The following DPP4 variants were observed in gnomAD, a reference collection of about 807,000 sequenced individuals.
DPP4 encodes the protein dipeptidyl peptidase 4, also known as ADCP-2.
Under a neutral mutation model 122.4 loss-of-function variants are expected in DPP4, and 93 were observed. The ratio of observed to expected loss-of-function variants is 0.76; its 90% confidence interval spans 0.64 to 0.90. The LOEUF (loss-of-function observed/expected upper bound fraction) is 0.90, where lower values mean the gene tolerates loss of function less well. DPP4 is among the 40% of genes least tolerant of loss of function. The pLI is 0.00. For synonymous variants in DPP4, 321 were observed against 302.9 expected (o/e 1.06, Z -0.62); for missense variants, 914 against 907.3 (o/e 1.01, Z -0.09).
At chr2:162,051,977 A>T (rs2106141359) in intron 2 of DPP4, among the ~76,000 whole-genome samples, 1 of 152,244 alleles carries the variant, frequency 6.6e-6, no homozygotes, top group South Asian at 2.1e-4. Context: ...ACATTGTGGT[A>T]GTGTTAAGAG....
chr2:162,073,289 C>T, intron 2 of DPP4, 110 bp downstream of exon 2: 3 of 1,047,194 alleles, frequency 2.9e-6, no homozygotes, highest in Middle Eastern at 2.9e-4. Context: ...AGCTACACTT[C>T]GGGGCACTGG....
chr2:162,050,543 C>T (rs549814679), intron 2 of DPP4, among the ~76,000 whole-genome samples: 1 of 152,308 alleles, frequency 6.6e-6, no homozygotes, highest in South Asian at 2.1e-4. Context: ...CCCTGCAAGG[C>T]CCAGGCTTAC....
At position 162,046,962 on chromosome 2, in the gene DPP4, T is replaced by G. The variant is rs772544402; in HGVS notation, c.238A>C (p.Asn80His). ...ACTGAGCTGTTTCCATATTCAGCAT[T>G]GAATACCAAGATATTATTTTCTTGT... ...YKQENNILVFNAEYGNSSVFL... is the reference protein window; with the variant it reads ...YKQENNILVFHAEYGNSSVFL... Residue 80 changes from asparagine to histidine, a missense_variant, in exon 4 of 26, where the codon AAT (asparagine) becomes CAT (histidine). Physicochemically the swap from Asn to His is moderately conservative, Grantham distance 68. Transcript: ENST00000360534. 9 of 1,598,478 alleles carry G rather than the reference T, an allele frequency of 5.6e-6. No individual in the cohort carries two copies. Among genetic ancestry groups the G allele is most frequent in the African/African-American group, 1.3e-5 (1 of 74,552 alleles).
At chr2:162,069,773 TG>T (rs1307461746) in intron 2 of DPP4, among the ~76,000 whole-genome samples, 1 of 152,198 alleles carries the variant, frequency 6.6e-6, no homozygotes, top group African/African-American at 2.4e-5. Flanking sequence ...ACCTCATAGA[TG>T]CTATCTTTTC....
At chr2:162,053,369 C>G (rs186129938) in intron 2 of DPP4, among the ~76,000 whole-genome samples, 1 of 151,938 alleles carries the variant, frequency 6.6e-6, no homozygotes, top group Middle Eastern at 3.4e-3. Context: ...CCCTGGGCCA[C>G]GTGAGAAGAA....
At chr2:162,019,800 C>G (rs1683055567) in intron 14 of DPP4, among the ~76,000 whole-genome samples, 1 of 152,178 alleles carries the variant, frequency 6.6e-6, no homozygotes, top group African/African-American at 2.4e-5. Flanking sequence ...ATAACACCCC[C>G]TTTTCTACCA....
chr2:162,059,132 C>T (rs1450650882), intron 2 of DPP4, among the ~76,000 whole-genome samples: 1 of 152,176 alleles, frequency 6.6e-6, no homozygotes, highest in Non-Finnish European at 1.5e-5. Context: ...CCGAACTAAG[C>T]CGAGTTACAC....
intron 2 of DPP4, among the ~76,000 whole-genome samples, chr2:162,066,858 G>T (rs546559406): frequency 6.6e-6 from 1 of 152,264 alleles, no homozygotes; most frequent in African/African-American, 2.4e-5. Flanking sequence ...TTAATAATCA[G>T]CTGTTACGGA....
At chr2:162,056,230 T>C (rs1172724998) in intron 2 of DPP4, among the ~76,000 whole-genome samples, 1 of 152,248 alleles carries the variant, frequency 6.6e-6, no homozygotes, top group Non-Finnish European at 1.5e-5. Flanking sequence ...ACTGTGTGCC[T>C]CCCTTAATTG....
chr2:162,034,362 T>A lies in DPP4; in HGVS notation c.775-709A>T, dbSNP rs1683689361. Reference sequence around the variant, plus strand: ...AAAATAACATTCCACTGAAAACACATCTCCATATTTAGTCTCTGATCTTTT... The same window carrying A: ...AAAATAACATTCCACTGAAAACACAACTCCATATTTAGTCTCTGATCTTTT... On this transcript the variant is annotated intron_variant, in intron 9 of 25. Transcript: ENST00000360534. Among the ~76,000 whole-genome samples, 4 of 152,238 alleles carry A rather than the reference T, an allele frequency of 2.6e-5. No individual in the cohort carries two copies. The South Asian group carries it at 8.3e-4, about 32-fold the overall frequency.
intron 10 of DPP4, among the ~76,000 whole-genome samples, chr2:162,028,958 C>T (rs1683446120): frequency 6.6e-6 from 1 of 152,248 alleles, no homozygotes; most frequent in Non-Finnish European, 1.5e-5. Context: ...ATGAAACCTC[C>T]ACCCATCCAT....
chr2:162,037,174 G>A (rs1290225277), intron 8 of DPP4, among the ~76,000 whole-genome samples: 2 of 152,172 alleles, frequency 1.3e-5, no homozygotes, highest in African/African-American at 2.4e-5. Context: ...TGGCCTAGTC[G>A]TGAACATGCA....
At chr2:162,048,254 C>A (rs1559721684) in intron 2 of DPP4, among the ~76,000 whole-genome samples, 1 of 152,116 alleles carries the variant, frequency 6.6e-6, no homozygotes, top group Non-Finnish European at 1.5e-5. Flanking sequence ...GTCTGAAAAT[C>A]ATTTTTGATA....
At chr2:162,029,547 C>CT (rs1416747279) in intron 10 of DPP4, among the ~76,000 whole-genome samples, 1 of 152,224 alleles carries the variant, frequency 6.6e-6, no homozygotes, top group Non-Finnish European at 1.5e-5. Context: ...CATGCAGGTC[C>CT]TAATGTGCAG....
chr2:162,067,670 A>G (rs1421447866), intron 2 of DPP4, among the ~76,000 whole-genome samples: 1 of 138,432 alleles, frequency 7.2e-6, no homozygotes, highest in Admixed American at 7.0e-5. Context: ...CTTGGCAAAT[A>G]ATAAAACAGT....
At chr2:162,001,056 C>T (rs1025162387) in intron 23 of DPP4, among the ~76,000 whole-genome samples, 1 of 152,184 alleles carries the variant, frequency 6.6e-6, no homozygotes. Flanking sequence ...TTGAGAGCAT[C>T]ATGCTCGTCC....
rs915460032 is a variant in DPP4 at position 162,047,505 on chromosome 2, G to T, written c.95-4C>A. ...CTGTCAGCTGTAGCATCATCTGCTG[G>T]TTGAAAGAAAGAGCCAAATGTTCAT... is the stretch of plus-strand genomic sequence containing the variant. On this transcript the variant is annotated splice_region_variant and splice_polypyrimidine_tract_variant and intron_variant, in intron 2 of 25. Transcript: ENST00000360534. The T allele has an allele frequency of 2.7e-5, 42 of 1,552,850 alleles. No individual in the cohort carries two copies. Among genetic ancestry groups the T allele is most frequent in the Non-Finnish European group, 3.7e-5 (42 of 1,140,574 alleles).
At chr2:162,028,113 G>A (rs1683404077) in intron 10 of DPP4, among the ~76,000 whole-genome samples, 1 of 150,808 alleles carries the variant, frequency 6.6e-6, no homozygotes, top group Non-Finnish European at 1.5e-5. Flanking sequence ...TGTAATAGCA[G>A]CATTTTGGGA....
At chr2:162,018,307 G>C (rs187808739) in intron 16 of DPP4, among the ~76,000 whole-genome samples, 2 of 152,256 alleles carry the variant, frequency 1.3e-5, no homozygotes, top group East Asian at 3.9e-4. Context: ...AAGTCACTTG[G>C]CCACTCCTTG....
Sources: gnomAD v4.1 joint callset for allele counts (sites outside exome capture counted in the v4.1 genomes callset) on GRCh38, gnomAD v4.1.1 for gene constraint, MANE v1.5 for transcripts, NCBI Gene and HGNC (gene_info 2026-07-23, HGNC 2026-07-21) for gene names.